The following JARID2 variants were observed in gnomAD, a reference collection of about 807,000 sequenced individuals.
The protein encoded by JARID2 is protein Jumonji.
A neutral mutation model predicts 125.6 loss-of-function variants in JARID2; 21 were observed. That is an observed-to-expected ratio of 0.17 (90% CI 0.12 to 0.24). The LOEUF (loss-of-function observed/expected upper bound fraction) is 0.24. Among genes scored for constraint, JARID2 ranks in the 10% least tolerant of loss-of-function variants. The pLI is 1.00. For missense variants in JARID2, 1,303 were observed against 1,639.6 expected (o/e 0.79, Z 3.55); for synonymous variants, 736 against 661.6 (o/e 1.11, Z -1.73).
Position 15,496,369 on chromosome 6 carries a change from A to T in JARID2, c.1144A>T (p.Ser382Cys). Residue 382 changes from serine to cysteine, a missense_variant, in exon 7 of 18, where the codon AGC becomes TGC. By Grantham distance (112) the Ser-to-Cys change is moderately radical. Around this residue, in one of 11 missense-constraint regions of JARID2, gnomAD observed 651 missense variants for 581.6 expected, o/e 1.12. Coordinates refer to ENST00000341776, the MANE Select transcript of JARID2 (RefSeq NM_004973.4). ...CACAATCTCAGGGAAAACTGAAAGT[A>T]GCAATGCAAAAACCCGCAAACAGGT... is the stretch of plus-strand genomic sequence containing the variant. The part of the protein sequence containing the change: ...NHTISGKTES[S>C]NAKTRKQVLS... The T allele has an allele frequency of 6.2e-7, 1 of 1,614,200 alleles. No homozygotes were observed. The highest frequency in any genetic ancestry group is 1.1e-5 in the South Asian group (1 of 91,088).
At chr6:15,474,810 A>G (rs1769261353) in intron 5 of JARID2, among the ~76,000 whole-genome samples, 2 of 152,204 alleles carry the variant, frequency 1.3e-5, no homozygotes, top group Admixed American at 1.3e-4. Flanking sequence ...TGACTTGTCC[A>G]GATTAAAACT....
chr6:15,407,498 A>C (rs1765699323), intron 2 of JARID2, among the ~76,000 whole-genome samples: 1 of 152,140 alleles, frequency 6.6e-6, no homozygotes, highest in Non-Finnish European at 1.5e-5. Context: ...TCATTCTTTC[A>C]TGCATTCACC....
In JARID2 at chr6:15,437,178, G is replaced by C. The variant is rs1232516212; in HGVS notation, c.324-14828G>C. ...CAAGCCAATTTCTGTCCCAGAGGGA[G>C]GTTGTTTCAGGGACTGGTTGGGAAT... On this transcript the variant is annotated intron_variant, in intron 3 of 17. Transcript: ENST00000341776. Among the ~76,000 whole-genome samples the C allele has an allele frequency of 2.0e-5, 3 of 152,180 alleles. No homozygotes were observed. The East Asian group carries it at 5.8e-4, about 29-fold the overall frequency.
rs891913978 is a variant in JARID2 at position 15,482,181 on chromosome 6, C to T, written c.671-5126C>T. On this transcript the variant is annotated intron_variant, in intron 5 of 17. Transcript: ENST00000341776. ...CTTGCCCTGCCAAGTGATTTATCAC[C>T]GAACAGGTGACTCCTGTCAGTTTTT... 2.6e-5 allele frequency among the ~76,000 whole-genome samples: 4 copies of T among 152,178 alleles called. No homozygotes were observed. In the East Asian group the frequency reaches 5.8e-4, roughly 22 times the overall value.
At chr6:15,323,523 G>C (rs1057232488) in intron 1 of JARID2, among the ~76,000 whole-genome samples, 8 of 152,154 alleles carry the variant, frequency 5.3e-5, no homozygotes, top group African/African-American at 1.4e-4. Context: ...TTTTACTTCA[G>C]ATCTTCAAAT....
At chr6:15,486,365 C>T (rs1236792694) in intron 5 of JARID2, among the ~76,000 whole-genome samples, 4 of 152,232 alleles carry the variant, frequency 2.6e-5, no homozygotes, top group African/African-American at 9.6e-5. Flanking sequence ...TTTGAAGTCT[C>T]TGCCTCATGG....
chr6:15,291,875 A>AT (rs1001669618), intron 1 of JARID2, among the ~76,000 whole-genome samples: 12 of 151,866 alleles, frequency 7.9e-5, no homozygotes, highest in East Asian at 3.9e-4. Flanking sequence ...TTGTTTTTCT[A>AT]TTTTTTTACT....
chr6:15,251,047 TCTTGCTCAGCCACCCAGG>T (rs934018342), intron 1 of JARID2, among the ~76,000 whole-genome samples: 3 of 151,722 alleles, frequency 2.0e-5, no homozygotes, highest in Middle Eastern at 3.4e-3. Context: ...TGAGACAGGG[TCTTGCTCAGCCACCCAGG>T]CTGGAACGCA....
At chr6:15,281,824 G>A (rs1450109222) in intron 1 of JARID2, among the ~76,000 whole-genome samples, 1 of 152,092 alleles carries the variant, frequency 6.6e-6, no homozygotes, top group Non-Finnish European at 1.5e-5. Flanking sequence ...TGTTCATGCT[G>A]TTTTGTTTGC....
At chr6:15,405,827 TTA>T (rs1765626094) in intron 2 of JARID2, among the ~76,000 whole-genome samples, 1 of 152,216 alleles carries the variant, frequency 6.6e-6, no homozygotes, top group Non-Finnish European at 1.5e-5. Flanking sequence ...TTGGCTAATG[TTA>T]TAATAATGGC....
intron 1 of JARID2, among the ~76,000 whole-genome samples, chr6:15,262,060 G>A (rs1020177333): frequency 2.0e-5 from 3 of 151,990 alleles, no homozygotes; most frequent in Non-Finnish European, 4.4e-5. Flanking sequence ...GATTATAGGC[G>A]TGAGCCACCG....
intron 3 of JARID2, among the ~76,000 whole-genome samples, chr6:15,444,833 T>C (rs1767605369): frequency 1.3e-5 from 2 of 150,528 alleles, no homozygotes; most frequent in South Asian, 4.2e-4. Context: ...TAATTGGATT[T>C]ACCAGCTTAC....
chr6:15,398,503 T>G (rs952863870), intron 2 of JARID2, among the ~76,000 whole-genome samples: 12 of 152,222 alleles, frequency 7.9e-5, no homozygotes, highest in African/African-American at 2.7e-4. Flanking sequence ...GTTTGCATGT[T>G]TCTTCTTTAG....
intron 9 of JARID2, among the ~76,000 whole-genome samples, chr6:15,504,876 T>G (rs903243476): frequency 2.6e-5 from 4 of 152,186 alleles, no homozygotes; most frequent in Non-Finnish European, 4.4e-5. Context: ...CACTGTCTCC[T>G]CCTGCTTGCT....
At chr6:15,366,430 A>ATTTC in intron 1 of JARID2, among the ~76,000 whole-genome samples, 1 of 142,780 alleles carries the variant, frequency 7.0e-6, no homozygotes, top group Middle Eastern at 3.8e-3. Context: ...AGTCAGGAAA[A>ATTTC]GCACTTCTTT....
intron 1 of JARID2, among the ~76,000 whole-genome samples, chr6:15,280,115 G>GTCAAATCCGT (rs1398734916): frequency 6.6e-6 from 1 of 152,006 alleles, no homozygotes; most frequent in Non-Finnish European, 1.5e-5. Context: ...CCGTGACTTT[G>GTCAAATCCGT]GAAATTTTGA....
At chr6:15,305,313 T>G (rs958360907) in intron 1 of JARID2, among the ~76,000 whole-genome samples, 20 of 152,214 alleles carry the variant, frequency 1.3e-4, no homozygotes, top group Non-Finnish European at 2.2e-4. Flanking sequence ...AGAGAGCAAC[T>G]CCGCTGTGGG....
At chr6:15,467,257 G>A (rs1185671409) in intron 4 of JARID2, among the ~76,000 whole-genome samples, 1 of 152,312 alleles carries the variant, frequency 6.6e-6, no homozygotes, top group African/African-American at 2.4e-5. Flanking sequence ...GGTTTTAACT[G>A]TGTGTTTAAA....
chr6:15,324,656 T>G (rs1169975622), intron 1 of JARID2, among the ~76,000 whole-genome samples: 4 of 151,280 alleles, frequency 2.6e-5, no homozygotes, highest in Admixed American at 6.6e-5. Context: ...TTTGTGTTTT[T>G]TTTTTTTTTT....
Sources: gnomAD v4.1 joint callset for allele counts (sites outside exome capture counted in the v4.1 genomes callset) on GRCh38, gnomAD v4.1.1 for gene constraint, gnomAD v4.1.1 regional missense constraint, MANE v1.5 for transcripts, NCBI Gene and HGNC (gene_info 2026-07-23, HGNC 2026-07-21) for gene names.